The following UTP20 variants were observed in gnomAD, a reference collection of about 807,000 sequenced individuals.
UTP20 encodes the protein UTP20 small subunit processome component, also known as small subunit processome component 20 homolog.
Under a neutral mutation model 329.5 loss-of-function variants are expected in UTP20, and 164 were observed. That is an observed-to-expected ratio of 0.50 (90% CI 0.44 to 0.57). The LOEUF (loss-of-function observed/expected upper bound fraction) is 0.57. UTP20 is among the 20% of genes least tolerant of loss of function. The probability of loss-of-function intolerance (pLI) is 0.00; values close to 1 mark genes in which losing one functional copy is unlikely to be tolerated. For missense variants in UTP20, 3,055 were observed against 3,284.2 expected (o/e 0.93, Z 1.71); for synonymous variants, 1,151 against 1,159.3 (o/e 0.99, Z 0.14).
At chr12:101,384,669 A>C (rs907532258) in intron 60 of UTP20, among the ~76,000 whole-genome samples, 1 of 152,202 alleles carries the variant, frequency 6.6e-6, no homozygotes, top group African/African-American at 2.4e-5. Flanking sequence ...AATTGTTGGT[A>C]ATAACAGGTA....
intron 57 of UTP20, among the ~76,000 whole-genome samples, 183 bp from the exon 58 acceptor site, chr12:101,380,954 TAGG>T (rs1359289621): frequency 1.3e-5 from 2 of 151,988 alleles, no homozygotes; most frequent in Non-Finnish European, 2.9e-5. Context: ...ATGAAATGCT[TAGG>T]GCAGGTAGAA....
intron 55 of UTP20, 83 bp from the exon 56 acceptor site, chr12:101,375,541 T>C: frequency 1.4e-6 from 2 of 1,447,404 alleles, no homozygotes; most frequent in Non-Finnish European, 1.9e-6. Context: ...CAGAAACGGG[T>C]GGATTGATGT....
intron 43 of UTP20, among the ~76,000 whole-genome samples, 162 bp downstream of exon 43, chr12:101,357,244 G>A (rs1165449751): frequency 2.6e-5 from 4 of 152,182 alleles, no homozygotes; most frequent in Non-Finnish European, 5.9e-5. Context: ...AAGGAAATCT[G>A]TTGTTTAAAT....
Position 101,315,097 on chromosome 12 carries a change from C to T in UTP20, c.2553-2381C>T, listed in dbSNP as rs142616387. Among the ~76,000 whole-genome samples the T allele has an allele frequency of 2.0e-5, 3 of 151,794 alleles. No homozygotes were observed. In the East Asian group the frequency reaches 5.9e-4, roughly 30 times the overall value. ...ACAGAGACAGAACGAGACTTTGTCT[C>T]TGCTCCCAAAAAAAGACTTAACTGT... is the stretch of plus-strand genomic sequence containing the variant. On this transcript the variant is annotated intron_variant, in intron 21 of 61. Coordinates refer to ENST00000261637, the MANE Select transcript of UTP20 (RefSeq NM_014503.3).
At chr12:101,361,670 A>G (rs964595465) in intron 43 of UTP20, among the ~76,000 whole-genome samples, 8 of 106,530 alleles carry the variant, frequency 7.5e-5, no homozygotes, top group Admixed American at 6.1e-4. Flanking sequence ...TAAATAAATA[A>G]ATAAATAAAG....
At chr12:101,369,372 C>T (rs1870204877) in intron 48 of UTP20, among the ~76,000 whole-genome samples, 1 of 152,054 alleles carries the variant, frequency 6.6e-6, no homozygotes, top group Non-Finnish European at 1.5e-5. Flanking sequence ...GACCCCAGCA[C>T]TTGGGAGGCT....
At chr12:101,310,282 A>G (rs1273743163) in intron 19 of UTP20, among the ~76,000 whole-genome samples, 1 of 152,068 alleles carries the variant, frequency 6.6e-6, no homozygotes, top group Non-Finnish European at 1.5e-5. Flanking sequence ...CACATAGAAA[A>G]TACATGTTAT....
At chr12:101,327,903 A>G (rs763964498) in intron 26 of UTP20, among the ~76,000 whole-genome samples, 5 of 152,158 alleles carry the variant, frequency 3.3e-5, no homozygotes, top group African/African-American at 1.2e-4. Flanking sequence ...TCCTTCAGAC[A>G]ATCAACCACA....
At chr12:101,381,336 G>T in intron 58 of UTP20, 125 bp downstream of exon 58, 1 of 755,928 alleles carries the variant, frequency 1.3e-6, no homozygotes, top group South Asian at 1.6e-5. Flanking sequence ...AGTTCGAGAT[G>T]AGCCTGGCCA....
chr12:101,329,600 G>A, intron 27 of UTP20, 151 bp downstream of exon 27: 1 of 749,896 alleles, frequency 1.3e-6, no homozygotes, highest in South Asian at 2.4e-5. Flanking sequence ...TGATTTAAGT[G>A]AAAATAAATT....
At chr12:101,301,920 G>GTATTTATT (rs367861960) in intron 14 of UTP20, among the ~76,000 whole-genome samples, 1 of 151,738 alleles carries the variant, frequency 6.6e-6, no homozygotes, top group Non-Finnish European at 1.5e-5. Context: ...CTACTTCTGA[G>GTATTTATT]TATTTATTTA....
intron 10 of UTP20, 149 bp from the exon 11 acceptor site, chr12:101,293,019 A>G: frequency 2.9e-6 from 2 of 685,934 alleles, no homozygotes; most frequent in South Asian, 3.8e-5. Flanking sequence ...AGCCCTTTGC[A>G]TCTGTGGAAG....
intron 15 of UTP20, 66 bp downstream of exon 15, chr12:101,302,619 T>C (rs2137244682): frequency 9.4e-7 from 1 of 1,064,940 alleles, no homozygotes; most frequent in Non-Finnish European, 1.3e-6. Context: ...TGTTGTGAAA[T>C]CTTGGACACA....
At chr12:101,361,049 C>T (rs1461361343) in intron 43 of UTP20, among the ~76,000 whole-genome samples, 3 of 152,072 alleles carry the variant, frequency 2.0e-5, no homozygotes, top group Non-Finnish European at 2.9e-5. Context: ...CTTCACTCCA[C>T]CAGTTCCTAC....
Position 101,379,512 on chromosome 12 carries a change from C to T in UTP20, c.7538C>T (p.Pro2513Leu), listed in dbSNP as rs987143491. The T allele has an allele frequency of 6.2e-7, 1 of 1,613,962 alleles. No individual in the cohort carries two copies. The highest frequency in any genetic ancestry group is 1.3e-5 in the African/African-American group (1 of 74,924). ...WNTKKTKKHL[P>L]EPVAIKFLAS... ...ACCAAAAAGACCAAAAAACACCTCC[C>T]AGAACCTGTAGCAATCAAGTTCCTA... Residue 2513 changes from proline (P) to leucine (L), a missense_variant, in exon 57 of 62, where the codon CCA becomes CTA. Around this residue, in one of 3 missense-constraint regions of UTP20, gnomAD observed 337 missense variants for 345.5 expected, o/e 0.98. Coordinates refer to ENST00000261637, the MANE Select transcript of UTP20 (RefSeq NM_014503.3).
At position 101,342,582 on chromosome 12, in the gene UTP20, T is replaced by G; in HGVS notation, c.4238T>G (p.Val1413Gly). ...NKLSRKLLCT[V>G]FETLSDFESG... ...TTGTCAAGAAAATTGCTTTGTACGG[T>G]TTTTGAGGTCTGTACTATTCATTTT... is the stretch of plus-strand genomic sequence containing the variant. The change falls in exon 33 of 62, where the codon GTT becomes GGT. Residue 1413 changes from valine to glycine, a missense_variant. By Grantham distance (109) the Val-to-Gly change is moderately radical (BLOSUM62 -3). This residue lies in a region of UTP20 where 2,445 missense variants were observed against 2,575.5 expected (regional missense o/e 0.95). Coordinates refer to ENST00000261637, the MANE Select transcript of UTP20 (RefSeq NM_014503.3). The G allele has an allele frequency of 6.2e-7, 1 of 1,610,660 alleles. No homozygotes were observed. Among genetic ancestry groups the G allele is most frequent in the East Asian group, 2.2e-5 (1 of 44,834 alleles).
chr12:101,365,335 CT>C, intron 45 of UTP20, 123 bp from the exon 46 acceptor site: 3 of 651,306 alleles, frequency 4.6e-6, no homozygotes, highest in Non-Finnish European at 7.7e-6. Flanking sequence ...ATTAAGAATG[CT>C]TTTTAATTAG....
Position 101,366,631 on chromosome 12 carries a change from C to T in UTP20, c.6199C>T (p.Arg2067Ter), listed in dbSNP as rs1436224340. 6 of 1,614,014 alleles carry T rather than the reference C, an allele frequency of 3.7e-6. No individual in the cohort carries two copies. Among genetic ancestry groups the T allele is most frequent in the East Asian group, 2.2e-5 (1 of 44,892 alleles). The change falls in exon 47 of 62, where the codon CGA (arginine) becomes TGA (stop). Residue 2067 changes from arginine (R) to a stop codon, truncating the protein, a stop_gained. Transcript: ENST00000261637. LOFTEE classifies it high-confidence loss of function. Reference protein sequence around the residue: ...SCLLLPPTPVRGGQKAVVSRK... With the variant: ...SCLLLPPTPV ...CCTTCTGCTTCCCCCAACTCCAGTT[C>T]GAGGTGGACAGAAAGCTGTTGTGAG...
chr12:101,329,504 A>G (rs937943573), intron 27 of UTP20, 55 bp downstream of exon 27: 52 of 1,544,494 alleles, frequency 3.4e-5, no homozygotes, highest in Non-Finnish European at 4.5e-5. Context: ...TATTTCTTGG[A>G]TTTTAATTCC....
Sources: allele counts gnomAD v4.1 joint callset (sites outside exome capture counted in the v4.1 genomes callset), GRCh38; gene constraint gnomAD v4.1.1; regional missense constraint gnomAD v4.1.1; transcripts MANE v1.5; gene names NCBI Gene and HGNC (gene_info 2026-07-23, HGNC 2026-07-21).